The following TSPAN12 variants were observed in gnomAD, a reference collection of about 807,000 sequenced individuals.
The protein encoded by TSPAN12 is tetraspanin 12.
Under a neutral mutation model 39.2 loss-of-function variants are expected in TSPAN12, and 19 were observed. That is an observed-to-expected ratio of 0.49 (90% CI 0.34 to 0.71). The LOEUF (loss-of-function observed/expected upper bound fraction) is 0.71, where lower values mean the gene tolerates loss of function less well. Among genes scored for constraint, TSPAN12 ranks in the 30% least tolerant of loss-of-function variants. TSPAN12 has a pLI of 0.01. For synonymous variants in TSPAN12, 119 were observed against 124.8 expected (o/e 0.95, Z 0.31); for missense variants, 314 against 359.9 (o/e 0.87, Z 1.03).
At chr7:120,836,916 T>C (rs563057049) in intron 4 of TSPAN12, among the ~76,000 whole-genome samples, 2 of 152,328 alleles carry the variant, frequency 1.3e-5, no homozygotes, top group Non-Finnish European at 2.9e-5. Flanking sequence ...AAAGCCTTTG[T>C]GGTTCCATGA....
intron 2 of TSPAN12, among the ~76,000 whole-genome samples, chr7:120,852,099 T>TA (rs369319754): frequency 2.6e-4 from 39 of 149,160 alleles, no homozygotes; most frequent in South Asian, 6.4e-4. Flanking sequence ...CTTTTTAACT[T>TA]AAAAAAAAAA....
At chr7:120,838,405 G>C (rs1794518490) in intron 4 of TSPAN12, among the ~76,000 whole-genome samples, 2 of 152,152 alleles carry the variant, frequency 1.3e-5, no homozygotes, top group Non-Finnish European at 2.9e-5. Context: ...AATTTCCATA[G>C]GAGCTTACAG....
At chr7:120,793,774 T>C (rs1362469370) in intron 7 of TSPAN12, among the ~76,000 whole-genome samples, 1 of 152,252 alleles carries the variant, frequency 6.6e-6, no homozygotes, top group Non-Finnish European at 1.5e-5. Context: ...TGCCCTTGCA[T>C]ATTATTTTCC....
At chr7:120,799,498 T>TTA (rs1793700748) in intron 7 of TSPAN12, among the ~76,000 whole-genome samples, 1 of 106,040 alleles carries the variant, frequency 9.4e-6, no homozygotes, top group African/African-American at 3.7e-5. Context: ...ATAATTATTT[T>TTA]TAATTAATTA....
Position 120,788,744 on chromosome 7 carries a change from C to T in TSPAN12, c.766G>A (p.Gly256Arg). The T allele has an allele frequency of 6.2e-7, 1 of 1,614,084 alleles. No individual in the cohort carries two copies. Among genetic ancestry groups the T allele is most frequent in the Non-Finnish European group, 8.5e-7 (1 of 1,180,012 alleles). The part of the protein sequence containing the change: ...WALYYDRREP[G>R]TDQMMSLKND... ...TTCAAGGACATCATTTGGTCTGTCCCCGGCTCCCTTCTATCATAATACAGA... is the reference window on the plus strand; with the variant it reads ...TTCAAGGACATCATTTGGTCTGTCCTCGGCTCCCTTCTATCATAATACAGA... The change falls in exon 8 of 8, where the codon GGG (glycine) becomes AGG (arginine). Residue 256 changes from glycine (G) to arginine (R), a missense_variant. Transcript: ENST00000222747.
chr7:120,801,468 G>A (rs1793769653), intron 7 of TSPAN12, among the ~76,000 whole-genome samples: 1 of 152,194 alleles, frequency 6.6e-6, no homozygotes. Context: ...AAGGAAAAGT[G>A]TCCCAAAGGC....
intron 2 of TSPAN12, among the ~76,000 whole-genome samples, chr7:120,847,761 TCA>T (rs1391329522): frequency 6.6e-6 from 1 of 152,230 alleles, no homozygotes; most frequent in African/African-American, 2.4e-5. Context: ...ACTCTTCAGC[TCA>T]CAGATTTCAC....
At chr7:120,789,383 C>A (rs1793476308) in intron 7 of TSPAN12, among the ~76,000 whole-genome samples, 1 of 152,182 alleles carries the variant, frequency 6.6e-6, no homozygotes, top group African/African-American at 2.4e-5. Context: ...AGATCTGGCA[C>A]ACAATGTTTA....
At chr7:120,799,599 T>A (rs41630) in intron 7 of TSPAN12, among the ~76,000 whole-genome samples, 64,030 of 113,598 alleles carry the variant, frequency 0.56, 19,989 homozygotes, top group South Asian at 0.76. Flanking sequence ...AATATAATTA[T>A]ATATAATTAT....
chr7:120,806,387 T>C (rs1447793251), intron 7 of TSPAN12, among the ~76,000 whole-genome samples, 162 bp downstream of exon 7: 1 of 152,184 alleles, frequency 6.6e-6, no homozygotes, highest in African/African-American at 2.4e-5. Context: ...GATTTTTATA[T>C]TGTTTTTTAG....
At position 120,815,787 on chromosome 7, in the gene TSPAN12, A is replaced by C; in HGVS notation, c.302T>G (p.Leu101Arg). 6.2e-7 allele frequency: 1 copy of C among 1,612,968 alleles called. No individual in the cohort carries two copies. The highest frequency in any genetic ancestry group is 8.5e-7 in the Non-Finnish European group (1 of 1,179,606). ...AGCCAGTTCTACACAGAAAATGACA[A>C]GCAAACTTCCAAAGTACTGTAGAAA... ...LLLAWYFGSL[L>R]VIFCVELACG... Residue 101 changes from leucine to arginine, a missense_variant, in exon 5 of 8, where the codon CTT becomes CGT. Leu to Arg is a moderately radical substitution (Grantham distance 102, BLOSUM62 -2). Transcript: ENST00000222747.
At chr7:120,812,884 A>G (rs1304792489) in intron 5 of TSPAN12, among the ~76,000 whole-genome samples, 1 of 152,218 alleles carries the variant, frequency 6.6e-6, no homozygotes, top group South Asian at 2.1e-4. Flanking sequence ...GATGAGCAGT[A>G]CAAAAAAAAC....
At chr7:120,855,266 G>A (rs975624111) in intron 2 of TSPAN12, among the ~76,000 whole-genome samples, 13 of 152,122 alleles carry the variant, frequency 8.5e-5, no homozygotes, top group Admixed American at 6.5e-4. Context: ...TGCCACCATT[G>A]GACTATCTGA....
intron 2 of TSPAN12, among the ~76,000 whole-genome samples, chr7:120,844,203 T>C (rs1794630316): frequency 6.6e-6 from 1 of 151,980 alleles, no homozygotes; most frequent in African/African-American, 2.4e-5. Context: ...TCCAATCACC[T>C]CCCACCAGGT....
chr7:120,818,223 G>A (rs144654073), intron 4 of TSPAN12, among the ~76,000 whole-genome samples: 1 of 152,178 alleles, frequency 6.6e-6, no homozygotes, highest in Non-Finnish European at 1.5e-5. Context: ...TAGACGTTAT[G>A]ATGTGCCAAG....
intron 7 of TSPAN12, among the ~76,000 whole-genome samples, chr7:120,803,552 A>G (rs1190969718): frequency 6.6e-6 from 1 of 152,190 alleles, no homozygotes; most frequent in East Asian, 1.9e-4. Context: ...AATCAACTAT[A>G]CATATAATTG....
chr7:120,816,680 G>A (rs1794090178), intron 4 of TSPAN12, among the ~76,000 whole-genome samples: 1 of 152,094 alleles, frequency 6.6e-6, no homozygotes, highest in Non-Finnish European at 1.5e-5. Flanking sequence ...TAATACACTA[G>A]TGAATTTTAA....
At chr7:120,808,115 T>C (rs1333483409) in intron 6 of TSPAN12, among the ~76,000 whole-genome samples, 3 of 152,134 alleles carry the variant, frequency 2.0e-5, no homozygotes, top group Non-Finnish European at 4.4e-5. Flanking sequence ...GCTAATGACA[T>C]GAGTCCTTTC....
intron 2 of TSPAN12, among the ~76,000 whole-genome samples, chr7:120,852,424 C>A (rs529025031): frequency 8.5e-5 from 13 of 152,140 alleles, no homozygotes; most frequent in African/African-American, 3.1e-4. Context: ...GGTTCATATG[C>A]CACACTGGTT....
Sources: allele counts gnomAD v4.1 joint callset (sites outside exome capture counted in the v4.1 genomes callset), GRCh38; gene constraint gnomAD v4.1.1; transcripts MANE v1.5; gene names NCBI Gene and HGNC (gene_info 2026-07-23, HGNC 2026-07-21).